ROBO2: variants seen among roughly 807,000 people sequenced by gnomAD.
The protein encoded by ROBO2 is roundabout guidance receptor 2, also known as roundabout homolog 2.
ROBO2 carries 53 observed loss-of-function variants against 160.8 expected under a neutral mutation model. That is an observed-to-expected ratio of 0.33 (90% CI 0.26 to 0.41). The LOEUF (loss-of-function observed/expected upper bound fraction) is 0.41, where lower values mean the gene tolerates loss of function less well. Ranked by LOEUF, ROBO2 falls within the 10% of genes least tolerant of loss-of-function variation. The probability of loss-of-function intolerance (pLI) is 1.00; values close to 1 mark genes in which losing one functional copy is unlikely to be tolerated. For synonymous variants in ROBO2, 664 were observed against 611.7 expected, an observed-to-expected ratio of 1.09 and a Z score of -1.26; for missense variants, 1,577 against 1,722.4, an observed-to-expected ratio of 0.92 and a Z score of 1.49.
rs1042982718 is a variant in ROBO2, at chr3:77,240,059, G to A, written c.388+141719G>A. On this transcript the variant is annotated intron_variant, in intron 2 of 25. Transcript: ENST00000461745. ...TGGATCCCATGCCAGGGCCATAGGC[G>A]GAGCTGCCAGCCAGTCCCATGCTGC... 3.9e-5 allele frequency among the ~76,000 whole-genome samples: 6 copies of A among 152,174 alleles called. 1 individual carries two copies. The highest frequency in any genetic ancestry group is 2.1e-4 in the South Asian group (1 of 4,832).
At chr3:76,264,259 A>G (rs927665865) in intron 2 of ROBO2, among the ~76,000 whole-genome samples, 1 of 151,938 alleles carries the variant, frequency 6.6e-6, no homozygotes. Flanking sequence ...AAGAACTAAA[A>G]TATTAGTTAC....
intron 2 of ROBO2, among the ~76,000 whole-genome samples, chr3:76,437,316 A>T (rs1357524747): frequency 1.3e-5 from 2 of 152,196 alleles, no homozygotes; most frequent in African/African-American, 4.8e-5. Flanking sequence ...ACTGCTCTCT[A>T]GTTAGAGTTG....
intron 2 of ROBO2, among the ~76,000 whole-genome samples, chr3:77,306,631 A>C (rs1374999355): frequency 6.6e-6 from 1 of 152,202 alleles, no homozygotes; most frequent in African/African-American, 2.4e-5. Context: ...TTGAATTAAA[A>C]TCATGGTCTA....
intron 2 of ROBO2, among the ~76,000 whole-genome samples, chr3:76,170,900 G>T (rs767097245): frequency 1.3e-5 from 2 of 152,114 alleles, no homozygotes; most frequent in Non-Finnish European, 2.9e-5. Flanking sequence ...AAAATTAAAT[G>T]TTCTACACTA....
At chr3:76,262,075 T>C (rs770987119) in intron 2 of ROBO2, among the ~76,000 whole-genome samples, 1 of 152,164 alleles carries the variant, frequency 6.6e-6, no homozygotes, top group African/African-American at 2.4e-5. Context: ...ATTGTCACAT[T>C]GTTCTAATCA....
intron 2 of ROBO2, among the ~76,000 whole-genome samples, chr3:77,286,387 G>A (rs1485062255): frequency 6.6e-6 from 1 of 151,282 alleles, no homozygotes; most frequent in Admixed American, 6.6e-5. Context: ...CTTCCGAGTA[G>A]CTGGGACTAC....
intron 2 of ROBO2, among the ~76,000 whole-genome samples, chr3:76,344,355 A>T (rs1279448965): frequency 6.6e-6 from 1 of 152,144 alleles, no homozygotes; most frequent in East Asian, 1.9e-4. Context: ...TGATGACATG[A>T]TTCTGTCTGC....
At chr3:76,058,589 C>CTTTTTTTTT (rs10676074) in intron 2 of ROBO2, among the ~76,000 whole-genome samples, 223 of 48,704 alleles carry the variant, frequency 4.6e-3, no homozygotes, top group African/African-American at 5.7e-3. Flanking sequence ...ACAGCAGAAA[C>CTTTTTTTTT]TTTTTTTTTT....
intron 2 of ROBO2, among the ~76,000 whole-genome samples, chr3:75,990,243 G>T (rs557789335): frequency 2.4e-4 from 37 of 152,118 alleles, no homozygotes; most frequent in Non-Finnish European, 4.6e-4. Flanking sequence ...TAATACTTTG[G>T]TTTATCCCTT....
At chr3:76,049,526 G>C (rs1213200821) in intron 2 of ROBO2, among the ~76,000 whole-genome samples, 1 of 149,560 alleles carries the variant, frequency 6.7e-6, no homozygotes, top group Non-Finnish European at 1.5e-5. Context: ...TTACAGGCGA[G>C]AGCCGTGGAA....
intron 2 of ROBO2, among the ~76,000 whole-genome samples, chr3:76,381,580 A>G (rs986169331): frequency 2.0e-5 from 3 of 151,998 alleles, no homozygotes; most frequent in African/African-American, 7.2e-5. Flanking sequence ...CAATCTCCTG[A>G]CTTCATGATC....
At chr3:77,644,129 A>C (rs942190809) in intron 24 of ROBO2, among the ~76,000 whole-genome samples, 1 of 152,116 alleles carries the variant, frequency 6.6e-6, no homozygotes, top group Non-Finnish European at 1.5e-5. Context: ...GTAAAAAAAA[A>C]AAATTAGCAT....
chr3:77,640,770 C>CA (rs2095340091), intron 24 of ROBO2, among the ~76,000 whole-genome samples: 1 of 151,970 alleles, frequency 6.6e-6, no homozygotes, highest in Admixed American at 6.6e-5. Flanking sequence ...TTTTATTTTT[C>CA]AAAAAACCAT....
chr3:75,986,230 TATC>T (rs759270723), intron 2 of ROBO2, among the ~76,000 whole-genome samples: 80 of 151,698 alleles, frequency 5.3e-4, no homozygotes, highest in Non-Finnish European at 1.1e-3. Flanking sequence ...TAATAGTAAC[TATC>T]ATCATGTGTA....
At chr3:76,753,600 G>A (rs1302654397) in intron 2 of ROBO2, among the ~76,000 whole-genome samples, 1 of 151,834 alleles carries the variant, frequency 6.6e-6, no homozygotes, top group African/African-American at 2.4e-5. Context: ...AACAAAAAAT[G>A]AGATTTAAGT....
intron 2 of ROBO2, among the ~76,000 whole-genome samples, chr3:77,188,513 A>G (rs988231183): frequency 2.6e-5 from 4 of 151,882 alleles, no homozygotes; most frequent in African/African-American, 9.7e-5. Flanking sequence ...GTTTGTCTTA[A>G]AAATACATGT....
intron 2 of ROBO2, among the ~76,000 whole-genome samples, chr3:76,519,231 TCAA>T (rs2081481503): frequency 6.6e-6 from 1 of 152,222 alleles, no homozygotes; most frequent in Non-Finnish European, 1.5e-5. Flanking sequence ...GGTCAGAAGT[TCAA>T]CATTTCTGTG....
At chr3:76,164,032 C>T (rs1226010009) in intron 2 of ROBO2, among the ~76,000 whole-genome samples, 1 of 152,190 alleles carries the variant, frequency 6.6e-6, no homozygotes, top group African/African-American at 2.4e-5. Context: ...AGTCAATCCC[C>T]TCAAACCTGC....
intron 2 of ROBO2, among the ~76,000 whole-genome samples, chr3:76,161,022 C>G (rs2072611386): frequency 6.6e-6 from 1 of 152,062 alleles, no homozygotes; most frequent in African/African-American, 2.4e-5. Context: ...GGTTAATGAA[C>G]TTTGTAAACC....
Sources: gnomAD v4.1 joint callset for allele counts (sites outside exome capture counted in the v4.1 genomes callset) on GRCh38, gnomAD v4.1.1 for gene constraint, MANE v1.5 for transcripts, NCBI Gene and HGNC (gene_info 2026-07-23, HGNC 2026-07-21) for gene names.